MAP1B: variants seen among roughly 807,000 people sequenced by gnomAD.
MAP1B encodes microtubule associated protein 1B.
MAP1B carries 12 observed loss-of-function variants against 176.1 expected under a neutral mutation model. The ratio of observed to expected loss-of-function variants is 0.07; its 90% confidence interval spans 0.04 to 0.11. MAP1B has a LOEUF of 0.11. Among genes scored for constraint, MAP1B ranks in the 10% least tolerant of loss-of-function variants. The pLI is 1.00. For synonymous variants in MAP1B, 1,044 were observed against 1,135.0 expected (o/e 0.92, Z 1.61); for missense variants, 2,523 against 2,990.5 (o/e 0.84, Z 3.65).
intron 2 of MAP1B, among the ~76,000 whole-genome samples, chr5:72,154,022 T>G (rs1746188193): frequency 6.6e-6 from 1 of 152,202 alleles, no homozygotes; most frequent in Non-Finnish European, 1.5e-5. Context: ...TACCCTGCAT[T>G]TAATCTTTCA....
In MAP1B at chr5:72,195,265, C is replaced by T. The variant is rs201288951; in HGVS notation, c.1910C>T (p.Thr637Met). Residue 637 changes from threonine to methionine, a missense_variant, in exon 5 of 7, where the codon ACG becomes ATG. Thr to Met is a moderately conservative substitution (Grantham distance 81). Around this residue, in one of 4 missense-constraint regions of MAP1B, gnomAD observed 1,925 missense variants for 2,126.0 expected, o/e 0.91. Coordinates refer to ENST00000296755, the MANE Select transcript of MAP1B (RefSeq NM_005909.5). ...DVKPKAAKEK[T>M]VKKETKVKPE... Reference sequence around the variant, plus strand: ...AAACCCAAAGCTGCCAAGGAGAAGACGGTGAAAAAGGAAACAAAGGTAAAG... The same window carrying T: ...AAACCCAAAGCTGCCAAGGAGAAGATGGTGAAAAAGGAAACAAAGGTAAAG... 1.2e-4 allele frequency: 195 copies of T among 1,612,070 alleles called. No individual in the cohort carries two copies. Among genetic ancestry groups the T allele is most frequent in the Non-Finnish European group, 1.2e-4 (145 of 1,179,788 alleles).
intron 2 of MAP1B, among the ~76,000 whole-genome samples, chr5:72,140,896 C>T (rs749399572): frequency 5.3e-5 from 8 of 152,156 alleles, no homozygotes; most frequent in Admixed American, 1.3e-4. Context: ...GGGTATGAGT[C>T]GTTATGAATC....
intron 2 of MAP1B, among the ~76,000 whole-genome samples, chr5:72,129,290 T>C (rs918513667): frequency 6.6e-6 from 1 of 152,168 alleles, no homozygotes; most frequent in Non-Finnish European, 1.5e-5. Context: ...GTGTGGTGGC[T>C]CACGCCTGTA....
chr5:72,153,674 C>T (rs1746182609), intron 2 of MAP1B, among the ~76,000 whole-genome samples: 1 of 152,100 alleles, frequency 6.6e-6, no homozygotes, highest in Non-Finnish European at 1.5e-5. Flanking sequence ...CAGATTTAGT[C>T]TACTTTCCCT....
intron 2 of MAP1B, among the ~76,000 whole-genome samples, chr5:72,136,887 TTA>T (rs1325920320): frequency 1.3e-5 from 2 of 152,236 alleles, no homozygotes; most frequent in African/African-American, 4.8e-5. Context: ...ATACCAAGAT[TTA>T]TTTTGTTATT....
rs754169143 is a variant in MAP1B at position 72,194,881 on chromosome 5, A to C, written c.1526A>C (p.Asp509Ala). 6.2e-7 allele frequency: 1 copy of C among 1,614,100 alleles called. No individual in the cohort carries two copies. The highest frequency in any genetic ancestry group is 8.5e-7 in the Non-Finnish European group (1 of 1,179,994). ...LEGLEKLKHL[D>A]FLKQPLATQK... ...GGGTTGGAAAAGCTCAAACATCTAGACTTTCTGAAGCAGCCACTGGCCACC... is the reference window on the plus strand; with the variant it reads ...GGGTTGGAAAAGCTCAAACATCTAGCCTTTCTGAAGCAGCCACTGGCCACC... The change falls in exon 5 of 7, where the codon GAC becomes GCC. Residue 509 changes from aspartate (D) to alanine (A), a missense_variant. Physicochemically the swap from Asp to Ala is moderately radical, Grantham distance 126 (BLOSUM62 -2). Transcript: ENST00000296755. The surrounding 1 kb of genome is among the most constrained non-coding windows in gnomAD (Gnocchi z 7.2).
In MAP1B at chr5:72,193,460, T is replaced by C. The variant is rs1024784687; in HGVS notation, c.511-406T>C. The C allele has an allele frequency of 5.1e-5, 16 of 315,338 alleles. No homozygotes were observed. In the Admixed American group the frequency reaches 7.0e-4, roughly 14 times the overall value. The allele number at this position is 315,338 out of a possible 1,614,324, so 19.5% of individuals were successfully genotyped here. On this transcript the variant is annotated intron_variant, in intron 4 of 6. Transcript: ENST00000296755. ...GTTTAACGTTTTTTTTTAAAGGGCA[T>C]CTTTGCCTTTATTCTAGGGGTAATA...
At chr5:72,122,636 T>A (rs1421879245) in intron 2 of MAP1B, among the ~76,000 whole-genome samples, 1 of 149,938 alleles carries the variant, frequency 6.7e-6, no homozygotes, top group South Asian at 2.1e-4. Flanking sequence ...TACCTATTCA[T>A]CTCACTTTTT....
chr5:72,183,628 T>G, intron 2 of MAP1B, 115 bp from the exon 3 acceptor site: 1 of 702,816 alleles, frequency 1.4e-6, no homozygotes, highest in Non-Finnish European at 2.5e-6. Context: ...AGAATTTCAG[T>G]GCTGTGTACC....
At chr5:72,193,724 C>A in intron 4 of MAP1B, 142 bp from the exon 5 acceptor site, 1 of 912,924 alleles carries the variant, frequency 1.1e-6, no homozygotes, top group East Asian at 2.7e-5. Flanking sequence ...AAGCAACCAA[C>A]ATCACTATGA....
chr5:72,125,374 T>G (rs1745608993), intron 2 of MAP1B, among the ~76,000 whole-genome samples: 1 of 152,212 alleles, frequency 6.6e-6, no homozygotes, highest in South Asian at 2.1e-4. Context: ...ACCTTATCTG[T>G]TCTCATCTAT....
Position 72,194,375 on chromosome 5 carries a change from C to T in MAP1B, c.1020C>T (p.Thr340=). The T allele has an allele frequency of 6.2e-7, 1 of 1,614,160 alleles. No individual in the cohort carries two copies. Among genetic ancestry groups the T allele is most frequent in the South Asian group, 1.1e-5 (1 of 91,072 alleles). ...AGGAAGAACAGTCCCAGGGCTCCACCACAAATAGTGACTGGATGAAAAACC... is the reference window on the plus strand; with the variant it reads ...AGGAAGAACAGTCCCAGGGCTCCACTACAAATAGTGACTGGATGAAAAACC... ...ELEEEQSQGS[T]TNSDWMKNLI... Residue 340 remains threonine (T), a synonymous_variant, in exon 5 of 7, where the codon ACC becomes ACT. Transcript: ENST00000296755. The surrounding 1 kb of genome is among the most constrained non-coding windows in gnomAD (Gnocchi z 7.2).
intron 5 of MAP1B, among the ~76,000 whole-genome samples, chr5:72,201,309 C>A (rs1213180977): frequency 6.6e-6 from 1 of 152,158 alleles, no homozygotes; most frequent in Admixed American, 6.5e-5. Flanking sequence ...GAGATCAAGG[C>A]TGCAGTGAGC....
Position 72,195,125 on chromosome 5 carries a change from A to T in MAP1B, c.1770A>T (p.Lys590Asn), listed in dbSNP as rs555326848. 1 of 1,613,650 alleles carries T rather than the reference A, an allele frequency of 6.2e-7. No individual in the cohort carries two copies. Among genetic ancestry groups the T allele is most frequent in the Admixed American group, 1.7e-5 (1 of 60,000 alleles). ...GCAAAGAAAAGGTAATGGTGAAAAA[A>T]GACAAGCCAATAAAAACAGAGACCA... ...VESKEKVMVK[K>N]DKPIKTETKP... The change falls in exon 5 of 7, where the codon AAA (lysine) becomes AAT (asparagine). Residue 590 changes from lysine (K) to asparagine (N), a missense_variant. Lys to Asn is a moderately conservative substitution (Grantham distance 94). Transcript: ENST00000296755.
intron 2 of MAP1B, among the ~76,000 whole-genome samples, chr5:72,129,250 G>A (rs575387172): frequency 3.3e-5 from 5 of 152,140 alleles, no homozygotes; most frequent in Non-Finnish European, 7.4e-5. Flanking sequence ...TTTTCAAGAA[G>A]CATTAGAAGA....
intron 5 of MAP1B, 23 bp downstream of exon 5, chr5:72,200,390 T>C: frequency 6.2e-7 from 1 of 1,605,042 alleles, no homozygotes; most frequent in Non-Finnish European, 8.5e-7. Flanking sequence ...GGCTGGGCAT[T>C]GGATATATGT....
At chr5:72,142,984 G>A (rs1745975654) in intron 2 of MAP1B, among the ~76,000 whole-genome samples, 1 of 152,140 alleles carries the variant, frequency 6.6e-6, no homozygotes, top group South Asian at 2.1e-4. Context: ...TCTAGTTGTT[G>A]TGTGAAATCC....
Position 72,205,958 on chromosome 5 carries a change from T to A in MAP1B, c.*719T>A, listed in dbSNP as rs1446117328. 1.3e-5 allele frequency: 2 copies of A among 152,642 alleles called. No individual in the cohort carries two copies. The highest frequency in any genetic ancestry group is 4.8e-5 in the African/African-American group (2 of 41,444). The allele number at this position is 152,642 out of a possible 1,614,324, so 9.5% of individuals were successfully genotyped here. A position where few individuals can be genotyped will look rare whatever the true frequency, so the allele number is the denominator to read the frequency against. The stretch of plus-strand genomic sequence containing the variant: ...GTTTGAAGGCTGCACACTGACATAA[T>A]GTAGTGAGTGTAGACTGGCCATGCA... On this transcript the variant is annotated 3_prime_UTR_variant, in exon 7 of 7. Transcript: ENST00000296755.
In MAP1B at chr5:72,107,892, G is replaced by C. The variant is rs6894541; in HGVS notation, c.184+177G>C. On this transcript the variant is annotated intron_variant, in intron 1 of 6. Transcript: ENST00000296755. ...TAATTAAGAATAATCCGAATTATTA[G>C]ATATGAGACCCAGAGGGAGAGTCTC... Among the ~76,000 whole-genome samples, 686 of 152,346 alleles carry C rather than the reference G, an allele frequency of 4.5e-3. 3 individuals carry two copies. Among genetic ancestry groups the C allele is most frequent in the African/African-American group, 0.016 (661 of 41,594 alleles).
Sources: gnomAD v4.1 joint callset for allele counts (sites outside exome capture counted in the v4.1 genomes callset) on GRCh38, gnomAD v4.1.1 for gene constraint, gnomAD v4.1.1 regional missense constraint, Gnocchi (gnomAD v3.1) non-coding constraint, MANE v1.5 for transcripts, NCBI Gene and HGNC (gene_info 2026-07-23, HGNC 2026-07-21) for gene names.